Variants in LEO1 observed in about 807,000 individuals in gnomAD.
LEO1 encodes the protein RNA polymerase-associated protein LEO1.
Under a neutral mutation model 80.4 loss-of-function variants are expected in LEO1, and 34 were observed. The ratio of observed to expected loss-of-function variants is 0.42; its 90% CI spans 0.32 to 0.56. LEO1 has a LOEUF of 0.56. Ranked by LOEUF, LEO1 falls within the 20% of genes least tolerant of loss-of-function variation. The probability of loss-of-function intolerance (pLI) is 0.10; values close to 1 mark genes in which losing one functional copy is unlikely to be tolerated. For missense variants in LEO1, 631 were observed against 814.2 expected (o/e 0.77, Z 2.74); for synonymous variants, 262 against 274.9 (o/e 0.95, Z 0.46).
chr15:51,968,182 C>T (rs1460408496), intron 1 of LEO1, among the ~76,000 whole-genome samples: 1 of 151,994 alleles, frequency 6.6e-6, no homozygotes, highest in Non-Finnish European at 1.5e-5. Flanking sequence ...GACTCCATCT[C>T]AAATAAATAA....
intron 11 of LEO1, among the ~76,000 whole-genome samples, chr15:51,942,755 C>G (rs2056864348): frequency 6.6e-6 from 1 of 151,624 alleles, no homozygotes; most frequent in African/African-American, 2.4e-5. Flanking sequence ...AACCCTGTCT[C>G]TACTAAAAAT....
intron 6 of LEO1, among the ~76,000 whole-genome samples, chr15:51,955,454 A>G (rs980411634): frequency 1.3e-5 from 2 of 152,234 alleles, no homozygotes; most frequent in Admixed American, 6.5e-5. Context: ...GGGAAACACC[A>G]GAGTTGGCAA....
At chr15:51,954,624 A>C (rs778516987) in intron 6 of LEO1, 49 bp from the exon 7 acceptor site, 2 of 1,244,752 alleles carry the variant, frequency 1.6e-6, no homozygotes, top group Non-Finnish European at 2.4e-6. Flanking sequence ...AAATGACTCT[A>C]TGCATCTTGT....
At chr15:51,969,675 C>G (rs1010617723) in intron 1 of LEO1, among the ~76,000 whole-genome samples, 1 of 151,862 alleles carries the variant, frequency 6.6e-6, no homozygotes, top group South Asian at 2.1e-4. Flanking sequence ...AACCTCATCT[C>G]TACTTAAAAT....
In LEO1 at chr15:51,962,707, G is replaced by A. The variant is rs544308716; in HGVS notation, c.815-214C>T. Among the ~76,000 whole-genome samples, 31 of 152,274 alleles carry A rather than the reference G, an allele frequency of 2.0e-4. No individual in the cohort carries two copies. The East Asian group carries it at 5.8e-3, about 28-fold the overall frequency. ...CAATCTGAAAGACTACATACTTACT[G>A]TATAACTCTATTTATATGACATTTC... On this transcript the variant is annotated intron_variant, in intron 2 of 11. Transcript: ENST00000299601.
rs149880331 is a variant in LEO1 at position 51,962,414 on chromosome 15, C to T, written c.894G>A (p.Ala298=). 1.3e-3 allele frequency: 2,087 copies of T among 1,611,810 alleles called. 3 individuals carry two copies. Among genetic ancestry groups the T allele is most frequent in the Non-Finnish European group, 1.6e-3 (1,885 of 1,178,300 alleles). The change falls in exon 3 of 12, where the codon GCG becomes GCA. Residue 298 remains alanine, a synonymous_variant. Coordinates refer to ENST00000299601, the MANE Select transcript of LEO1 (RefSeq NM_138792.4). ...CTTTTGGCACCTCAGTGTCACTATC[C>T]GCTTCTGAATCAGATGCAATCGCAT... The part of the protein sequence containing the change: ...RKNAIASDSE[A]DSDTEVPKDN...
At chr15:51,950,064 A>T in intron 9 of LEO1, 70 bp from the exon 10 acceptor site, 1 of 1,266,454 alleles carries the variant, frequency 7.9e-7, no homozygotes. Flanking sequence ...ACCCACTTTT[A>T]TTACAAATAG....
intron 3 of LEO1, among the ~76,000 whole-genome samples, chr15:51,961,478 T>A (rs962285555): frequency 6.6e-6 from 1 of 151,866 alleles, no homozygotes; most frequent in Non-Finnish European, 1.5e-5. Context: ...CTGCAACCTC[T>A]GCCTCCCGAG....
rs1159260919 is a variant in LEO1, at chr15:51,960,620, A to G, written c.1014+19T>C. 6.4e-6 allele frequency: 9 copies of G among 1,396,592 alleles called. No homozygotes were observed. The highest frequency in any genetic ancestry group is 1.4e-5 in the African/African-American group (1 of 70,742). 86.5% of individuals were successfully genotyped at this position (1,396,592 alleles called of 1,614,324 possible). The stretch of plus-strand genomic sequence containing the variant: ...TTTATGCCTGGCCTTGAATAAGTTC[A>G]TGTTACTAACTGACTTACAACAGGC... On this transcript the variant is annotated intron_variant, in intron 4 of 11. Transcript: ENST00000299601.
chr15:51,950,787 C>G (rs1417992661), intron 9 of LEO1, among the ~76,000 whole-genome samples: 1 of 152,118 alleles, frequency 6.6e-6, no homozygotes, highest in Non-Finnish European at 1.5e-5. Flanking sequence ...TAAGAACAAA[C>G]CAGCTGACTC....
At chr15:51,958,663 T>C (rs1270575879) in intron 6 of LEO1, 79 bp downstream of exon 6, 1 of 866,270 alleles carries the variant, frequency 1.2e-6, no homozygotes, top group African/African-American at 1.7e-5. Context: ...AAAATCACTT[T>C]CAAAAGCTCA....
chr15:51,968,309 A>G (rs1046602399), intron 1 of LEO1, among the ~76,000 whole-genome samples: 1 of 152,128 alleles, frequency 6.6e-6, no homozygotes, highest in Admixed American at 6.5e-5. Context: ...CTAGGAGCCC[A>G]AGGTGGGAAG....
At chr15:51,938,347 C>A in intron 11 of LEO1, 87 bp from the exon 12 acceptor site, 1 of 734,792 alleles carries the variant, frequency 1.4e-6, no homozygotes, top group South Asian at 1.7e-5. Context: ...AGCTGAATGA[C>A]CCTCTGACAA....
At chr15:51,939,606 A>C (rs2056830950) in intron 11 of LEO1, among the ~76,000 whole-genome samples, 1 of 152,228 alleles carries the variant, frequency 6.6e-6, no homozygotes, top group Admixed American at 6.5e-5. Context: ...AGGCTAGAGC[A>C]AACCCAAATA....
In LEO1 at chr15:51,966,144, G is replaced by C; in HGVS notation, c.419C>G (p.Ser140Ter). The C allele has an allele frequency of 1.2e-6, 2 of 1,613,898 alleles. No homozygotes were observed. The highest frequency in any genetic ancestry group is 1.1e-5 in the South Asian group (1 of 91,072). ...SEAEGSEKAHSDDEKWGREDK... is the reference protein window; with the variant it reads ...SEAEGSEKAH ...TTCTCTGCCCCATTTTTCATCATCT[G>C]AATGTGCTTTTTCAGAACCTTCTGC... The change falls in exon 2 of 12, where the codon TCA (serine) becomes TGA (stop). Residue 140 changes from serine (S) to a stop codon, truncating the protein, a stop_gained. Coordinates refer to ENST00000299601, the MANE Select transcript of LEO1 (RefSeq NM_138792.4). LOFTEE classifies it high-confidence loss of function.
intron 1 of LEO1, among the ~76,000 whole-genome samples, chr15:51,968,557 G>A (rs540249369): frequency 3.9e-4 from 60 of 151,928 alleles, no homozygotes; most frequent in Non-Finnish European, 6.5e-4. Context: ...AAGGCCAGGC[G>A]CAGTGGCTCA....
chr15:51,954,279 T>G (rs113059690), intron 7 of LEO1, among the ~76,000 whole-genome samples: 1,919 of 151,998 alleles, frequency 0.013, 42 homozygotes, highest in African/African-American at 0.045. Flanking sequence ...TCCCAGCTAC[T>G]TGGGAGATGG....
chr15:51,950,600 T>C (rs1236344030), intron 9 of LEO1, among the ~76,000 whole-genome samples: 1 of 152,158 alleles, frequency 6.6e-6, no homozygotes, highest in Non-Finnish European at 1.5e-5. Context: ...AGGGGTGGTG[T>C]TGGAGTAGGT....
intron 11 of LEO1, among the ~76,000 whole-genome samples, chr15:51,944,158 C>A (rs995388768): frequency 4.6e-5 from 7 of 152,158 alleles, no homozygotes; most frequent in Non-Finnish European, 1.0e-4. Flanking sequence ...CGTGCAGATA[C>A]ATCACAGTAA....
Sources: allele counts gnomAD v4.1 joint callset (sites outside exome capture counted in the v4.1 genomes callset), GRCh38; gene constraint gnomAD v4.1.1; transcripts MANE v1.5; gene names NCBI Gene and HGNC (gene_info 2026-07-23, HGNC 2026-07-21).